The following ARMC3 variants were observed in gnomAD, a reference collection of about 807,000 sequenced individuals.
The protein encoded by ARMC3 is armadillo repeat-containing protein 3.
A neutral mutation model predicts 90.3 loss-of-function variants in ARMC3; 74 were observed. The ratio of observed to expected loss-of-function variants is 0.82; its 90% CI spans 0.68 to 0.99. The LOEUF is 0.99. ARMC3 is among the 50% of genes least tolerant of loss of function. The pLI is 0.00. For synonymous variants in ARMC3, 334 were observed against 361.8 expected, an observed-to-expected ratio of 0.92 and a Z score of 0.87; for missense variants, 958 against 1,042.8, an observed-to-expected ratio of 0.92 and a Z score of 1.12.
chr10:23,026,563 A>G (rs778828259), intron 16 of ARMC3, among the ~76,000 whole-genome samples: 1 of 152,132 alleles, frequency 6.6e-6, no homozygotes, highest in Non-Finnish European at 1.5e-5. Flanking sequence ...TAAAAATAAA[A>G]ATAAAACTGT....
At chr10:22,952,641 A>T (rs535852206) in intron 3 of ARMC3, among the ~76,000 whole-genome samples, 86 of 152,350 alleles carry the variant, frequency 5.6e-4, no homozygotes, top group East Asian at 1.3e-3. Context: ...CTTTCAGAAA[A>T]TTGAAAAGGA....
chr10:22,984,177 A>G (rs1158109024), intron 10 of ARMC3, among the ~76,000 whole-genome samples: 2 of 152,248 alleles, frequency 1.3e-5, no homozygotes, highest in African/African-American at 2.4e-5. Context: ...TCGTGTAGTT[A>G]AAACGTAACC....
chr10:23,016,813 C>G (rs891497675), intron 16 of ARMC3, among the ~76,000 whole-genome samples: 10 of 152,312 alleles, frequency 6.6e-5, no homozygotes, highest in African/African-American at 2.4e-4. Flanking sequence ...TGCCAAATGA[C>G]TCCTTGTTCT....
chr10:22,937,988 C>T (rs1281685269), intron 2 of ARMC3, among the ~76,000 whole-genome samples: 2 of 152,088 alleles, frequency 1.3e-5, no homozygotes, highest in Admixed American at 6.5e-5. Flanking sequence ...GTTCAGGCCC[C>T]AAGGCAGCTT....
intron 8 of ARMC3, among the ~76,000 whole-genome samples, chr10:22,980,676 T>G (rs1252884063): frequency 6.6e-6 from 1 of 152,116 alleles, no homozygotes; most frequent in Non-Finnish European, 1.5e-5. Context: ...TAAAAATACT[T>G]TGGTTTCAAA....
chr10:23,033,104 A>G, intron 18 of ARMC3, 81 bp downstream of exon 18: 1 of 1,293,350 alleles, frequency 7.7e-7, no homozygotes, highest in Non-Finnish European at 1.1e-6. Context: ...AGTTGCTAAC[A>G]TTTAACTGGA....
At chr10:23,006,340 T>C (rs944987492) in intron 13 of ARMC3, among the ~76,000 whole-genome samples, 8 of 152,188 alleles carry the variant, frequency 5.3e-5, no homozygotes, top group Non-Finnish European at 8.8e-5. Context: ...GGTCTTATTT[T>C]AAAAGGCTCT....
intron 10 of ARMC3, among the ~76,000 whole-genome samples, chr10:22,982,835 C>G (rs1024611978): frequency 1.3e-5 from 2 of 152,230 alleles, no homozygotes; most frequent in African/African-American, 2.4e-5. Flanking sequence ...GCCTCCATCA[C>G]ATACTTAATA....
At chr10:23,023,272 A>C (rs1397651800) in intron 16 of ARMC3, among the ~76,000 whole-genome samples, 1 of 152,108 alleles carries the variant, frequency 6.6e-6, no homozygotes, top group Non-Finnish European at 1.5e-5. Context: ...AAGCAGAAAA[A>C]CACGTACACT....
At chr10:22,987,955 T>A (rs1029760533) in intron 10 of ARMC3, among the ~76,000 whole-genome samples, 5 of 152,216 alleles carry the variant, frequency 3.3e-5, no homozygotes, top group African/African-American at 1.2e-4. Flanking sequence ...ACTGTCTTGC[T>A]GTTGTGTTCC....
intron 10 of ARMC3, among the ~76,000 whole-genome samples, chr10:22,986,560 A>C (rs796844477): frequency 6.2e-5 from 9 of 145,136 alleles, no homozygotes; most frequent in South Asian, 2.2e-4. Flanking sequence ...TCAAAAAAAA[A>C]AACAAAAAAA....
chr10:22,959,401 G>T lies in ARMC3; in HGVS notation c.364G>T (p.Glu122Ter), dbSNP rs1269246184. The T allele has an allele frequency of 5.0e-6, 8 of 1,600,860 alleles. No individual in the cohort carries two copies. Among genetic ancestry groups the T allele is most frequent in the Non-Finnish European group, 6.8e-6 (8 of 1,175,984 alleles). The part of the protein sequence containing the change: ...SVIAQLAPEE[E>*]VVIHEFASLC... ...TGTTATTTATTTTTGATACACAGAA[G>T]AAGTAGTTATCCATGAGTTTGCTAG... The change falls in exon 6 of 19, where the codon GAA becomes TAA. Residue 122 changes from glutamate (E) to a stop codon, truncating the protein, a stop_gained and splice_region_variant. Transcript: ENST00000298032. LOFTEE classifies it high-confidence loss of function.
intron 16 of ARMC3, among the ~76,000 whole-genome samples, chr10:23,020,591 A>G (rs1396231583): frequency 1.3e-5 from 2 of 152,208 alleles, no homozygotes; most frequent in South Asian, 4.1e-4. Context: ...GGTGCTCCAC[A>G]TCCTTGCTGG....
In ARMC3 at chr10:22,987,682, C is replaced by T. The variant is rs117983192; in HGVS notation, c.1175+5982C>T. 7.2e-5 allele frequency among the ~76,000 whole-genome samples: 11 copies of T among 152,340 alleles called. No homozygotes were observed. The South Asian group carries it at 1.0e-3, about 14-fold the overall frequency. Reference sequence around the variant, plus strand: ...AAGTCCCTTGTTTACACATAGATCACACTAACTCTGATTCTTCATAATTAT... The same window carrying T: ...AAGTCCCTTGTTTACACATAGATCATACTAACTCTGATTCTTCATAATTAT... On this transcript the variant is annotated intron_variant, in intron 10 of 18. Coordinates refer to ENST00000298032, the MANE Select transcript of ARMC3 (RefSeq NM_173081.5).
At chr10:22,965,279 G>C (rs1835396510) in intron 7 of ARMC3, among the ~76,000 whole-genome samples, 1 of 152,078 alleles carries the variant, frequency 6.6e-6, no homozygotes, top group African/African-American at 2.4e-5. Flanking sequence ...AATTTATCTG[G>C]AAGTTGCTTC....
intron 12 of ARMC3, 21 bp from the exon 13 acceptor site, chr10:23,003,225 G>C (rs1391234760): frequency 6.2e-7 from 1 of 1,602,700 alleles, no homozygotes; most frequent in African/African-American, 1.3e-5. Context: ...AGCAAATAAT[G>C]CTTTTTGCTT....
Position 23,003,386 on chromosome 10 carries a change from T to A in ARMC3, c.1703T>A (p.Ile568Asn). 1 of 1,610,722 alleles carries A rather than the reference T, an allele frequency of 6.2e-7. No homozygotes were observed. The highest frequency in any genetic ancestry group is 8.5e-7 in the Non-Finnish European group (1 of 1,178,578). The change falls in exon 13 of 19, where the codon ATT becomes AAT. Residue 568 changes from isoleucine (I) to asparagine (N), a missense_variant. Physicochemically the swap from Ile to Asn is moderately radical, Grantham distance 149. Coordinates refer to ENST00000298032, the MANE Select transcript of ARMC3 (RefSeq NM_173081.5). ...GGCTATTTGTCATCAAGTAACATAA[T>A]TAACGATGGATTCTATGATTATGGT... is the stretch of plus-strand genomic sequence containing the variant. The part of the protein sequence containing the change: ...QTGYLSSSNI[I>N]NDGFYDYGRI...
chr10:22,963,706 A>G (rs546665536), intron 7 of ARMC3, among the ~76,000 whole-genome samples: 16 of 151,954 alleles, frequency 1.1e-4, no homozygotes, highest in Non-Finnish European at 1.8e-4. Flanking sequence ...CTTGCCCAAC[A>G]TGGTGAAACC....
intron 3 of ARMC3, among the ~76,000 whole-genome samples, chr10:22,953,573 C>T (rs1834815342): frequency 6.6e-6 from 1 of 152,090 alleles, no homozygotes; most frequent in Non-Finnish European, 1.5e-5. Context: ...TGGCTTACAA[C>T]ACACTTAATG....
Sources: allele counts gnomAD v4.1 joint callset (sites outside exome capture counted in the v4.1 genomes callset), GRCh38; gene constraint gnomAD v4.1.1; transcripts MANE v1.5; gene names NCBI Gene and HGNC (gene_info 2026-07-23, HGNC 2026-07-21).